MARCHF7: variants seen among roughly 807,000 people sequenced by gnomAD.
MARCHF7 encodes membrane associated ring-CH-type finger 7.
Under a neutral mutation model 76.5 loss-of-function variants are expected in MARCHF7, and 20 were observed. That is an observed-to-expected ratio of 0.26 (90% CI 0.18 to 0.38). MARCHF7 has a LOEUF of 0.38. Among genes scored for constraint, MARCHF7 ranks in the 10% least tolerant of loss-of-function variants. The pLI is 1.00. For missense variants in MARCHF7, 797 were observed against 812.9 expected, an observed-to-expected ratio of 0.98 and a Z score of 0.24; for synonymous variants, 295 against 293.0, an observed-to-expected ratio of 1.01 and a Z score of -0.07.
In MARCHF7 at chr2:159,750,866, A is replaced by AT. The variant is rs1300507381; in HGVS notation, c.1614-1529dup. On this transcript the variant is annotated intron_variant, in intron 7 of 11. Coordinates refer to ENST00000409175, the MANE Select transcript of MARCHF7 (RefSeq NM_001282805.2). Reference sequence around the variant, plus strand: ...GCATAATTGTTACTGTTATTTTTAGATTTTTTTGTACTTTAATAAGAAAAT... The same window carrying AT: ...GCATAATTGTTACTGTTATTTTTAGATTTTTTTTGTACTTTAATAAGAAAAT... 2.0e-5 allele frequency among the ~76,000 whole-genome samples: 3 copies of AT among 151,896 alleles called. No individual in the cohort carries two copies. The East Asian group carries it at 5.8e-4, about 29-fold the overall frequency.
At chr2:159,760,536 T>C (rs1398055785) in intron 9 of MARCHF7, among the ~76,000 whole-genome samples, 1 of 152,196 alleles carries the variant, frequency 6.6e-6, no homozygotes, top group African/African-American at 2.4e-5. Context: ...TGTAGCTGGC[T>C]GAGCATTGGT....
chr2:159,762,218 C>A (rs927959947), intron 9 of MARCHF7, among the ~76,000 whole-genome samples: 2 of 152,144 alleles, frequency 1.3e-5, no homozygotes, highest in Non-Finnish European at 2.9e-5. Flanking sequence ...AAAATTTGAG[C>A]CTTTCTTTTG....
chr2:159,741,826 A>G (rs1704160023), intron 4 of MARCHF7, among the ~76,000 whole-genome samples: 1 of 152,182 alleles, frequency 6.6e-6, no homozygotes, highest in Non-Finnish European at 1.5e-5. Context: ...CTGAAAAATT[A>G]CTTTTATTTT....
At position 159,767,970 on chromosome 2, in the gene MARCHF7, GGATA is replaced by G. The variant is rs1560034701; in HGVS notation, c.*632_*635del. On this transcript the variant is annotated 3_prime_UTR_variant, in exon 12 of 12. Transcript: ENST00000409175. ...TATAAATATAAAATGTATAAATGAT[GGATA>G]GATTTTTGTATTGATTTGCAAAATG... The G allele has an allele frequency of 2.6e-5, 4 of 152,348 alleles. No homozygotes were observed. The allele number at this position is 152,348 out of a possible 1,614,324, so 9.4% of individuals were successfully genotyped here. A position where few individuals can be genotyped will look rare whatever the true frequency, so the allele number is the denominator to read the frequency against.
At chr2:159,759,938 C>T (rs1238309708) in intron 9 of MARCHF7, among the ~76,000 whole-genome samples, 1 of 151,988 alleles carries the variant, frequency 6.6e-6, no homozygotes, top group Non-Finnish European at 1.5e-5. Context: ...CTCTACAAAA[C>T]AGAAAACAAA....
intron 3 of MARCHF7, 35 bp from the exon 4 acceptor site, chr2:159,728,973 TC>T: frequency 7.3e-7 from 1 of 1,365,368 alleles, no homozygotes; most frequent in East Asian, 2.4e-5. Context: ...TTTCATATTT[TC>T]CCAAAGGCAA....
intron 8 of MARCHF7, among the ~76,000 whole-genome samples, chr2:159,758,257 T>C (rs1354185415): frequency 1.3e-5 from 2 of 152,106 alleles, no homozygotes; most frequent in African/African-American, 4.8e-5. Flanking sequence ...ACCTACCAAA[T>C]TGGAACCAAA....
At chr2:159,725,401 T>G (rs1445514484) in intron 3 of MARCHF7, among the ~76,000 whole-genome samples, 1 of 152,246 alleles carries the variant, frequency 6.6e-6, no homozygotes, top group Non-Finnish European at 1.5e-5. Context: ...GGTGTCTCGT[T>G]GTGGTTTTGA....
intron 8 of MARCHF7, among the ~76,000 whole-genome samples, chr2:159,755,055 A>G (rs1706120569): frequency 6.6e-6 from 1 of 152,216 alleles, no homozygotes; most frequent in South Asian, 2.1e-4. Flanking sequence ...CCAGGCAAAT[A>G]TGATGAAGGG....
chr2:159,740,332 T>A (rs551572931), intron 4 of MARCHF7, among the ~76,000 whole-genome samples: 9 of 152,294 alleles, frequency 5.9e-5, no homozygotes, highest in African/African-American at 2.2e-4. Context: ...AGAAAAATAA[T>A]GACAAGTTAT....
In MARCHF7 at chr2:159,747,958, G is replaced by A. The variant is rs1277559194; in HGVS notation, c.668G>A (p.Arg223Lys). 7 of 1,614,050 alleles carry A rather than the reference G, an allele frequency of 4.3e-6. No individual in the cohort carries two copies. The highest frequency in any genetic ancestry group is 5.9e-6 in the Non-Finnish European group (7 of 1,179,986). Residue 223 changes from arginine (R) to lysine (K), a missense_variant, in exon 7 of 12, where the codon AGA (arginine) becomes AAA (lysine). Transcript: ENST00000409175. The stretch of plus-strand genomic sequence containing the variant: ...TCTAGGGACTCCAGAAATTCTTTAA[G>A]ATCAAATTTTTCTTCAAGAGAATCA... ...LSSRDSRNSL[R>K]SNFSSRESES...
chr2:159,723,478 A>G (rs1701844982), intron 3 of MARCHF7, among the ~76,000 whole-genome samples: 1 of 152,228 alleles, frequency 6.6e-6, no homozygotes, highest in African/African-American at 2.4e-5. Flanking sequence ...GGAAAAGAGC[A>G]GTCCTTTTCC....
At chr2:159,723,541 T>A (rs1223810996) in intron 3 of MARCHF7, among the ~76,000 whole-genome samples, 1 of 152,236 alleles carries the variant, frequency 6.6e-6, no homozygotes, top group African/African-American at 2.4e-5. Context: ...GCCCCTCTGC[T>A]ATTTAGCTAT....
At chr2:159,756,781 C>T (rs1195131563) in intron 8 of MARCHF7, among the ~76,000 whole-genome samples, 1 of 150,810 alleles carries the variant, frequency 6.6e-6, no homozygotes, top group Non-Finnish European at 1.5e-5. Flanking sequence ...GTTCCATCTT[C>T]AGTAAAATTG....
At chr2:159,741,570 T>G (rs980599427) in intron 4 of MARCHF7, among the ~76,000 whole-genome samples, 1 of 152,238 alleles carries the variant, frequency 6.6e-6, no homozygotes, top group African/African-American at 2.4e-5. Context: ...TATTTACTTA[T>G]CTGTTACCTG....
intron 4 of MARCHF7, among the ~76,000 whole-genome samples, chr2:159,742,103 A>G (rs1704194401): frequency 6.6e-6 from 1 of 152,218 alleles, no homozygotes; most frequent in South Asian, 2.1e-4. Context: ...GAGAAGTAAA[A>G]TAGTTTGTAC....
In MARCHF7 at chr2:159,770,914, T is replaced by C. The variant is rs898572312; in HGVS notation, c.*3572T>C. 6.6e-6 allele frequency: 1 copy of C among 152,212 alleles called. No homozygotes were observed. Among genetic ancestry groups the C allele is most frequent in the Non-Finnish European group, 1.5e-5 (1 of 68,022 alleles). 9.4% of individuals were successfully genotyped at this position (152,212 alleles called of 1,614,324 possible). ...CTTTATCTTTCCTGTTTTTGGTTTA[T>C]TGATGGTGAGGAAAATTACTCGTTT... is the stretch of plus-strand genomic sequence containing the variant. On this transcript the variant is annotated 3_prime_UTR_variant, in exon 12 of 12. Transcript: ENST00000409175.
chr2:159,727,725 T>C (rs1702338085), intron 3 of MARCHF7, among the ~76,000 whole-genome samples: 1 of 152,240 alleles, frequency 6.6e-6, no homozygotes, highest in African/African-American at 2.4e-5. Context: ...GAATGCTATG[T>C]AAAGAAATTA....
At chr2:159,732,672 C>CAA (rs1491150971) in intron 4 of MARCHF7, among the ~76,000 whole-genome samples, 1 of 151,812 alleles carries the variant, frequency 6.6e-6, no homozygotes, top group Non-Finnish European at 1.5e-5. Context: ...AGCCCCCTGC[C>CAA]ACACACACAC....
Sources: allele counts gnomAD v4.1 joint callset (sites outside exome capture counted in the v4.1 genomes callset), GRCh38; gene constraint gnomAD v4.1.1; transcripts MANE v1.5; gene names NCBI Gene and HGNC (gene_info 2026-07-23, HGNC 2026-07-21).